LINGO2: variants seen among roughly 807,000 people sequenced by gnomAD.
LINGO2 encodes the protein leucine rich repeat and Ig domain containing 2, also known as leucine-rich repeat and immunoglobulin-like domain-containing nogo receptor-interacting protein 2.
LINGO2 carries 14 observed loss-of-function variants against 30.6 expected under a neutral mutation model. That is an observed-to-expected ratio of 0.46 (90% CI 0.30 to 0.72). The LOEUF (loss-of-function observed/expected upper bound fraction) is 0.72. LINGO2 is among the 30% of genes least tolerant of loss of function. The pLI is 0.07. For synonymous variants in LINGO2, 317 were observed against 288.5 expected (o/e 1.10, Z -1.00); for missense variants, 729 against 751.7 (o/e 0.97, Z 0.35).
the LINGO2 span, among the ~76,000 whole-genome samples, chr9:29,085,394 ATCAGCTAAT>A: frequency 6.6e-6 from 1 of 151,146 alleles, no homozygotes; most frequent in East Asian, 1.9e-4. Context: ...AGCAGCTACC[ATCAGCTAAT>A]TGGTTACTAT....
chr9:28,481,779 C>G (rs895774332), intron 1 of LINGO2, among the ~76,000 whole-genome samples: 3 of 151,446 alleles, frequency 2.0e-5, no homozygotes, highest in African/African-American at 4.9e-5. Context: ...CCTCCTCCCC[C>G]CACCCCACAA....
intron 5 of LINGO2, among the ~76,000 whole-genome samples, chr9:28,005,444 TCC>T (rs1212634608): frequency 6.6e-6 from 1 of 152,178 alleles, no homozygotes; most frequent in Non-Finnish European, 1.5e-5. Context: ...TCTTTCCCTT[TCC>T]CCTTCTCTTG....
chr9:28,107,487 G>C (rs917373455), intron 4 of LINGO2, among the ~76,000 whole-genome samples: 1 of 151,942 alleles, frequency 6.6e-6, no homozygotes, highest in Admixed American at 6.6e-5. Flanking sequence ...ACACTCTAAG[G>C]TTTCTTCTAC....
chr9:29,072,919 TAG>T, the LINGO2 span, among the ~76,000 whole-genome samples: 1 of 139,862 alleles, frequency 7.1e-6, no homozygotes, highest in African/African-American at 2.7e-5. Context: ...TCCAGCTCTC[TAG>T]CGCTCTCTCT....
At chr9:28,312,381 G>T (rs149441165) in intron 3 of LINGO2, among the ~76,000 whole-genome samples, 1 of 151,014 alleles carries the variant, frequency 6.6e-6, no homozygotes, top group African/African-American at 2.4e-5. Flanking sequence ...GAGAGAGGGT[G>T]GTCAAGGAAA....
the LINGO2 span, among the ~76,000 whole-genome samples, chr9:29,077,714 A>C: frequency 6.6e-6 from 1 of 152,048 alleles, no homozygotes; most frequent in Admixed American, 6.6e-5. Flanking sequence ...ACAGTCCTTC[A>C]TGAGCAGGGC....
At chr9:28,970,339 A>T in the LINGO2 span, among the ~76,000 whole-genome samples, 1 of 152,228 alleles carries the variant, frequency 6.6e-6, no homozygotes, top group South Asian at 2.1e-4. Context: ...AGATGGTAGA[A>T]TACAAGATTC....
At position 28,617,646 on chromosome 9, in the gene LINGO2, C is replaced by CT. The variant is rs1424164273; in HGVS notation, c.-365+52553dup. ...GAAGTCATTTATAACCCAGAGACTA[C>CT]TTACATATGTTCTCACCAATGAAAT... On this transcript the variant is annotated intron_variant, in intron 1 of 5. Coordinates refer to ENST00000379992, the Ensembl canonical transcript of LINGO2. Among the ~76,000 whole-genome samples the CT allele has an allele frequency of 2.0e-5, 3 of 152,222 alleles. No homozygotes were observed. In the South Asian group the frequency reaches 6.2e-4, roughly 32 times the overall value.
At chr9:28,814,797 A>T in the LINGO2 span, among the ~76,000 whole-genome samples, 1 of 148,332 alleles carries the variant, frequency 6.7e-6, no homozygotes, top group African/African-American at 2.4e-5. Flanking sequence ...TCTCTCTCTC[A>T]CACACACACA....
chr9:28,740,706 T>C, the LINGO2 span, among the ~76,000 whole-genome samples: 1 of 152,068 alleles, frequency 6.6e-6, no homozygotes. Context: ...ATATATTTTT[T>C]ATTCAAAACA....
At chr9:28,743,548 A>T in the LINGO2 span, among the ~76,000 whole-genome samples, 1 of 151,962 alleles carries the variant, frequency 6.6e-6, no homozygotes, top group African/African-American at 2.4e-5. Flanking sequence ...CTTCATTTTT[A>T]AAAGGTAGTT....
intron 4 of LINGO2, among the ~76,000 whole-genome samples, chr9:28,038,711 CT>C (rs1824061854): frequency 1.3e-5 from 2 of 149,832 alleles, no homozygotes; most frequent in South Asian, 4.2e-4. Flanking sequence ...AAAAAAAAGC[CT>C]TGCTTATAAA....
At chr9:28,023,245 A>G (rs560251621) in intron 4 of LINGO2, among the ~76,000 whole-genome samples, 1 of 152,248 alleles carries the variant, frequency 6.6e-6, no homozygotes, top group Non-Finnish European at 1.5e-5. Context: ...GTTGGACATG[A>G]TGTTTCAGGT....
At chr9:27,999,122 C>A (rs1313125317) in intron 5 of LINGO2, among the ~76,000 whole-genome samples, 2 of 151,870 alleles carry the variant, frequency 1.3e-5, no homozygotes, top group East Asian at 3.9e-4. Context: ...AAGAAAGGCA[C>A]ATTGGGTCCT....
chr9:28,697,540 T>A, the LINGO2 span, among the ~76,000 whole-genome samples: 1 of 152,022 alleles, frequency 6.6e-6, no homozygotes, highest in Non-Finnish European at 1.5e-5. Flanking sequence ...TAAACCATAG[T>A]TGATTTTGTA....
chr9:28,194,203 T>A (rs569020150), intron 4 of LINGO2, among the ~76,000 whole-genome samples: 18 of 152,180 alleles, frequency 1.2e-4, no homozygotes, highest in African/African-American at 3.6e-4. Flanking sequence ...ATATCTTCCA[T>A]GGTATCAGAA....
chr9:29,007,593 G>T, the LINGO2 span, among the ~76,000 whole-genome samples: 2 of 151,984 alleles, frequency 1.3e-5, no homozygotes, highest in Admixed American at 1.3e-4. Flanking sequence ...AGGACAGAAA[G>T]ACAGGTCACA....
rs376766133 is a variant in LINGO2 at position 28,172,140 on chromosome 9, C to T, written c.-87+123068G>A. 2.1e-4 allele frequency among the ~76,000 whole-genome samples: 32 copies of T among 151,280 alleles called. 1 individual carries two copies. The East Asian group carries it at 2.6e-3, about 12-fold the overall frequency. ...GGCGCGGTGGCTCACGCCTGTAATC[C>T]CAGCACTTTGGGAGGCCGAGGCGGG... On this transcript the variant is annotated intron_variant, in intron 4 of 5. Coordinates refer to ENST00000379992, the Ensembl canonical transcript of LINGO2.
At chr9:28,123,524 G>A (rs924252671) in intron 4 of LINGO2, among the ~76,000 whole-genome samples, 16 of 152,262 alleles carry the variant, frequency 1.1e-4, no homozygotes, top group African/African-American at 3.1e-4. Context: ...AGACACTGGT[G>A]TATATAGTCC....
Sources: gnomAD v4.1 joint callset for allele counts (sites outside exome capture counted in the v4.1 genomes callset) on GRCh38, gnomAD v4.1.1 for gene constraint, MANE v1.5 for transcripts, NCBI Gene and HGNC (gene_info 2026-07-23, HGNC 2026-07-21) for gene names.